Variants in IGF2BP3 observed in about 807,000 individuals in gnomAD.
IGF2BP3 encodes insulin like growth factor 2 mRNA binding protein 3, also known as insulin-like growth factor 2 mRNA-binding protein 3.
IGF2BP3 carries 9 observed loss-of-function variants against 73.8 expected under a neutral mutation model. That is an observed-to-expected ratio of 0.12 (90% CI 0.07 to 0.21). IGF2BP3 has a LOEUF of 0.21. Among genes scored for constraint, IGF2BP3 ranks in the 10% least tolerant of loss-of-function variants. The pLI is 1.00. For synonymous variants in IGF2BP3, 258 were observed against 256.7 expected, an observed-to-expected ratio of 1.01 and a Z score of -0.05; for missense variants, 542 against 714.0, an observed-to-expected ratio of 0.76 and a Z score of 2.75.
At chr7:23,449,306 A>G (rs1788138444) in intron 2 of IGF2BP3, among the ~76,000 whole-genome samples, 1 of 151,842 alleles carries the variant, frequency 6.6e-6, no homozygotes, top group African/African-American at 2.4e-5. Context: ...TCACGAAGTC[A>G]AGAGATCGCG....
intron 3 of IGF2BP3, among the ~76,000 whole-genome samples, chr7:23,392,451 T>TATATATGTATATATATATATAC: frequency 6.9e-6 from 1 of 144,224 alleles, no homozygotes; most frequent in Non-Finnish European, 1.5e-5. Flanking sequence ...TATATATATA[T>TATATATGTATATATATATATAC]ACACACACAC....
intron 3 of IGF2BP3, among the ~76,000 whole-genome samples, chr7:23,387,225 A>T (rs532511275): frequency 1.9e-4 from 29 of 152,242 alleles, no homozygotes; most frequent in African/African-American, 7.0e-4. Context: ...AAGTCCATAA[A>T]CCCAGTCTAA....
At chr7:23,382,339 G>C (rs1334668464) in intron 3 of IGF2BP3, among the ~76,000 whole-genome samples, 1 of 151,590 alleles carries the variant, frequency 6.6e-6, no homozygotes, top group South Asian at 2.1e-4. Flanking sequence ...AGCAACTCCT[G>C]CATCTTTCAG....
At chr7:23,402,572 G>A (rs1428882533) in intron 3 of IGF2BP3, 3 of 152,156 alleles carry the variant, frequency 2.0e-5, no homozygotes, top group African/African-American at 4.8e-5. Context: ...GGAACATACC[G>A]TCATTTTGGG....
At chr7:23,323,197 T>C (rs1583883474) in intron 10 of IGF2BP3, among the ~76,000 whole-genome samples, 3 of 151,978 alleles carry the variant, frequency 2.0e-5, no homozygotes, top group Admixed American at 6.5e-5. Flanking sequence ...GACACACACA[T>C]AGGCTCAAAA....
At chr7:23,353,106 T>C (rs1192399680) in intron 5 of IGF2BP3, among the ~76,000 whole-genome samples, 1 of 152,178 alleles carries the variant, frequency 6.6e-6, no homozygotes, top group Non-Finnish European at 1.5e-5. Context: ...GTCCCCACAC[T>C]TCCCAGTGTC....
chr7:23,414,510 T>A (rs1016147740), intron 3 of IGF2BP3: 2 of 152,216 alleles, frequency 1.3e-5, no homozygotes, highest in African/African-American at 4.8e-5. Context: ...ACAAGATGAC[T>A]CCTAGAATTG....
intron 3 of IGF2BP3, among the ~76,000 whole-genome samples, chr7:23,385,043 C>G (rs1786038699): frequency 6.6e-6 from 1 of 152,114 alleles, no homozygotes; most frequent in Admixed American, 6.6e-5. Context: ...AACATTAATG[C>G]CTTTCTTATA....
At chr7:23,449,985 T>G (rs931024320) in intron 2 of IGF2BP3, among the ~76,000 whole-genome samples, 4 of 152,192 alleles carry the variant, frequency 2.6e-5, no homozygotes, top group Non-Finnish European at 5.9e-5. Context: ...CTAATAACAC[T>G]AAGATGTTAT....
At chr7:23,316,438 T>C (rs906227439) in intron 12 of IGF2BP3, among the ~76,000 whole-genome samples, 2 of 151,962 alleles carry the variant, frequency 1.3e-5, no homozygotes, top group Admixed American at 6.6e-5. Flanking sequence ...TCCCAGCACT[T>C]TGGGAGGCTA....
chr7:23,449,200 T>A (rs1385456434), intron 2 of IGF2BP3, among the ~76,000 whole-genome samples: 1 of 152,090 alleles, frequency 6.6e-6, no homozygotes, highest in African/African-American at 2.4e-5. Flanking sequence ...GCTCTTGTTA[T>A]GATGTAAATA....
At chr7:23,312,913 C>G (rs893981203) in intron 13 of IGF2BP3, 65 bp from the exon 14 acceptor site, 1 of 969,562 alleles carries the variant, frequency 1.0e-6, no homozygotes, top group Non-Finnish European at 1.6e-6. Context: ...TAAGCACTTA[C>G]TGTGCGCCAG....
intron 3 of IGF2BP3, among the ~76,000 whole-genome samples, chr7:23,416,688 G>A (rs1204034308): frequency 6.6e-6 from 1 of 152,156 alleles, no homozygotes; most frequent in African/African-American, 2.4e-5. Flanking sequence ...AAATTGTCCA[G>A]AACTGCAAAA....
At chr7:23,428,324 T>G (rs1433285267) in intron 2 of IGF2BP3, among the ~76,000 whole-genome samples, 2 of 151,784 alleles carry the variant, frequency 1.3e-5, no homozygotes, top group African/African-American at 4.8e-5. Flanking sequence ...TACAAAAAAT[T>G]AGCCGAGCAT....
intron 3 of IGF2BP3, among the ~76,000 whole-genome samples, chr7:23,394,337 C>T (rs1435370485): frequency 2.6e-5 from 4 of 152,046 alleles, no homozygotes; most frequent in Non-Finnish European, 4.4e-5. Flanking sequence ...TGTGGTGGCA[C>T]GTACCTGTAG....
intron 2 of IGF2BP3, among the ~76,000 whole-genome samples, chr7:23,439,512 G>T (rs1188500590): frequency 7.1e-6 from 1 of 141,186 alleles, no homozygotes; most frequent in African/African-American, 2.7e-5. Flanking sequence ...AGCCAAGATC[G>T]TGCCACTGCA....
chr7:23,335,825 C>G (rs565988284), intron 10 of IGF2BP3, among the ~76,000 whole-genome samples: 1 of 152,212 alleles, frequency 6.6e-6, no homozygotes, highest in Non-Finnish European at 1.5e-5. Flanking sequence ...CTCTGCTTCA[C>G]TAGCTGCCAA....
intron 3 of IGF2BP3, among the ~76,000 whole-genome samples, chr7:23,373,005 A>T (rs1012372195): frequency 3.3e-5 from 5 of 152,204 alleles, no homozygotes; most frequent in Non-Finnish European, 7.3e-5. Context: ...ACTTGGTCTA[A>T]TAAGTTGCCT....
In IGF2BP3 at chr7:23,361,238, T is replaced by A. The variant is rs79513309; in HGVS notation, c.401+296A>T. On this transcript the variant is annotated intron_variant, in intron 5 of 14. Transcript: ENST00000258729. ...GGAGACGGGGAGAGACTTTATGTTATTTGGCAACAATACCAAGGCCCAGAG... is the reference window on the plus strand; with the variant it reads ...GGAGACGGGGAGAGACTTTATGTTAATTGGCAACAATACCAAGGCCCAGAG... The A allele has an allele frequency of 7.3e-3, 1,877 of 257,026 alleles. 40 individuals are homozygous for A. Among genetic ancestry groups the A allele is most frequent in the African/African-American group, 0.039 (1,708 of 44,116 alleles). The allele number at this position is 257,026 out of a possible 1,614,324, so 15.9% of individuals were successfully genotyped here. A position where few individuals can be genotyped will look rare whatever the true frequency, so the allele number is the denominator to read the frequency against.
Sources: gnomAD v4.1 joint callset for allele counts (sites outside exome capture counted in the v4.1 genomes callset) on GRCh38, gnomAD v4.1.1 for gene constraint, MANE v1.5 for transcripts, NCBI Gene and HGNC (gene_info 2026-07-23, HGNC 2026-07-21) for gene names.